Variants in UBXN11 observed in about 807,000 individuals in gnomAD.
UBXN11 encodes the protein UBX domain-containing protein 11.
A neutral mutation model predicts 62.8 loss-of-function variants in UBXN11; 47 were observed. The ratio of observed to expected loss-of-function variants is 0.75; its 90% confidence interval spans 0.59 to 0.95. The LOEUF (loss-of-function observed/expected upper bound fraction) is 0.95, where lower values mean the gene tolerates loss of function less well. UBXN11 is among the 40% of genes least tolerant of loss of function. The pLI is 0.00. For missense variants in UBXN11, 638 were observed against 661.7 expected (o/e 0.96, Z 0.39); for synonymous variants, 294 against 267.0 (o/e 1.10, Z -0.99).
At chr1:26,303,115 G>A (rs1032504380) in intron 1 of UBXN11, 197 bp from the exon 2 acceptor site, 8 of 477,060 alleles carry the variant, frequency 1.7e-5, no homozygotes, top group East Asian at 3.1e-5. Flanking sequence ...CTGGGTATAC[G>A]GCTTTCTGCT....
chr1:26,295,235 G>C (rs1446457403), intron 7 of UBXN11, among the ~76,000 whole-genome samples: 1 of 151,788 alleles, frequency 6.6e-6, no homozygotes, highest in African/African-American at 2.4e-5. Flanking sequence ...CCTCCAGGAT[G>C]ACCCACAAGG....
rs147906676 is a variant in UBXN11 at position 26,285,093 on chromosome 1, A to C, written c.852+371T>G. On this transcript the variant is annotated intron_variant, in intron 10 of 14. Coordinates refer to ENST00000374222, the MANE Select transcript of UBXN11 (RefSeq NM_001389556.1). Reference sequence around the variant, plus strand: ...CCAACATCTGTCCCCTCTGCTTTGCATTTGTGGCTCACAGCACTGCCTCCC... The same window carrying C: ...CCAACATCTGTCCCCTCTGCTTTGCCTTTGTGGCTCACAGCACTGCCTCCC... The C allele has an allele frequency of 2.3e-4, 234 of 1,037,204 alleles. No homozygotes were observed. In the African/African-American group the frequency reaches 3.4e-3, roughly 15 times the overall value. The allele number at this position is 1,037,204 out of a possible 1,614,324, so 64.3% of individuals were successfully genotyped here.
chr1:26,300,821 A>C (rs1570124597), intron 4 of UBXN11, 105 bp downstream of exon 4: 1 of 1,557,636 alleles, frequency 6.4e-7, no homozygotes, highest in East Asian at 2.3e-5. Flanking sequence ...CAGCTGCCTC[A>C]GACCAAACAG....
intron 8 of UBXN11, among the ~76,000 whole-genome samples, chr1:26,291,280 G>A (rs1400261423): frequency 6.6e-6 from 1 of 152,202 alleles, no homozygotes; most frequent in African/African-American, 2.4e-5. Context: ...GGGGAGAGAG[G>A]AACGGGGACG....
At position 26,282,916 on chromosome 1, in the gene UBXN11, G is replaced by T; in HGVS notation, c.1099C>A (p.Arg367=). The change falls in exon 13 of 15, where the codon CGG becomes AGG. Residue 367 remains arginine (R), a synonymous_variant. Transcript: ENST00000374222. The part of the protein sequence containing the change: ...TLQNCCPLPA[R]IQEIVVETPT... ...GTCTCCACCACAATCTCCTGGATCCGGGCAGGCAATGGGCAGCAGTTCTGG... is the reference window on the plus strand; with the variant it reads ...GTCTCCACCACAATCTCCTGGATCCTGGCAGGCAATGGGCAGCAGTTCTGG... 1.2e-6 allele frequency: 2 copies of T among 1,614,150 alleles called. No individual in the cohort carries two copies. The highest frequency in any genetic ancestry group is 1.7e-6 in the Non-Finnish European group (2 of 1,180,036).
chr1:26,285,517 C>A lies in UBXN11; in HGVS notation c.799G>T (p.Gly267Cys). The A allele has an allele frequency of 6.3e-7, 1 of 1,597,438 alleles. No homozygotes were observed. Among genetic ancestry groups the A allele is most frequent in the Non-Finnish European group, 8.6e-7 (1 of 1,168,006 alleles). The change falls in exon 10 of 15, where the codon GGC becomes TGC. Residue 267 changes from glycine to cysteine, a missense_variant. Physicochemically the swap from Gly to Cys is radical, Grantham distance 159 (BLOSUM62 -3). Coordinates refer to ENST00000374222, the MANE Select transcript of UBXN11 (RefSeq NM_001389556.1). ...TQRCLRDILD[G>C]FFPSELQRLY... ...CGCTGGAGCTCTGAGGGAAAGAAGCCATCCAATATGTCTCGGAGGCAGCGC... is the reference window on the plus strand; with the variant it reads ...CGCTGGAGCTCTGAGGGAAAGAAGCAATCCAATATGTCTCGGAGGCAGCGC...
chr1:26,294,764 C>T (rs2073354383), intron 7 of UBXN11, among the ~76,000 whole-genome samples: 1 of 152,340 alleles, frequency 6.6e-6, no homozygotes, highest in Middle Eastern at 3.4e-3. Context: ...CCACAGGAAA[C>T]TTCTGGACTG....
intron 1 of UBXN11, among the ~76,000 whole-genome samples, chr1:26,316,271 G>GC (rs1481400796): frequency 6.6e-6 from 1 of 151,036 alleles, no homozygotes; most frequent in African/African-American, 2.4e-5. Flanking sequence ...CCCAGCCTCT[G>GC]TTTTTTTCTT....
At position 26,297,429 on chromosome 1, in the gene UBXN11, G is replaced by A. The variant is rs1461214523; in HGVS notation, c.353C>T (p.Pro118Leu). 6.5e-7 allele frequency: 1 copy of A among 1,548,662 alleles called. No individual in the cohort carries two copies. Among genetic ancestry groups the A allele is most frequent in the Non-Finnish European group, 8.7e-7 (1 of 1,146,056 alleles). The stretch of plus-strand genomic sequence containing the variant: ...TCAGCCCTCCAAGAGCCCCCTACCT[G>A]GGTGTGGCCGGAGGGTCTGCACCAG... ...EDLVQTLRPH[P>L]AEATLQRQEE... is the part of the protein sequence containing the mutation. Residue 118 changes from proline (P) to leucine (L), a missense_variant and splice_region_variant, in exon 6 of 15, where the codon CCA becomes CTA. Physicochemically the swap from Pro to Leu is moderately conservative, Grantham distance 98 (BLOSUM62 -3). Coordinates refer to ENST00000374222, the MANE Select transcript of UBXN11 (RefSeq NM_001389556.1).
At chr1:26,284,285 T>A in intron 11 of UBXN11, 40 bp from the exon 12 acceptor site, 7 of 1,609,482 alleles carry the variant, frequency 4.3e-6, no homozygotes, top group Non-Finnish European at 5.9e-6. Flanking sequence ...GGAAGGACTA[T>A]GAGTGGTGGT....
At chr1:26,308,258 ACT>A (rs1260950299), upstream of UBXN11, among the ~76,000 whole-genome samples, 6 of 132,606 alleles carry the variant, frequency 4.5e-5, no homozygotes, top group African/African-American at 2.9e-5. Context: ...CAAGAGTGAA[ACT>A]CTGTCAAAAA....
At chr1:26,310,894 G>A (rs1203104963), upstream of UBXN11, among the ~76,000 whole-genome samples, 1 of 152,004 alleles carries the variant, frequency 6.6e-6, no homozygotes, top group Non-Finnish European at 1.5e-5. Flanking sequence ...TGAGTGTTGT[G>A]AGGGCCTTGG....
At chr1:26,282,822 A>T (rs772414799) in intron 13 of UBXN11, 33 bp from the exon 14 acceptor site, 3 of 1,613,850 alleles carry the variant, frequency 1.9e-6, no homozygotes, top group Non-Finnish European at 2.5e-6. Flanking sequence ...GCACGCGGTG[A>T]CCCAACGCCC....
chr1:26,295,767 T>C (rs145864286), intron 7 of UBXN11, among the ~76,000 whole-genome samples: 18 of 152,354 alleles, frequency 1.2e-4, no homozygotes, highest in Non-Finnish European at 2.6e-4. Flanking sequence ...GTGTACTCGT[T>C]TGTTCCCCTC....
At chr1:26,301,747 A>T in intron 2 of UBXN11, 25 bp from the exon 3 acceptor site, 1 of 1,613,710 alleles carries the variant, frequency 6.2e-7, no homozygotes, top group Non-Finnish European at 8.5e-7. Flanking sequence ...AGGAAGAAGG[A>T]AGAAATATAA....
chr1:26,304,946 C>T (rs1415629447), intron 1 of UBXN11, among the ~76,000 whole-genome samples: 1 of 151,808 alleles, frequency 6.6e-6, no homozygotes, highest in Non-Finnish European at 1.5e-5. Context: ...CTACCTGCAC[C>T]CTTCCCTTGG....
chr1:26,295,737 C>G (rs2073375854), intron 7 of UBXN11, among the ~76,000 whole-genome samples: 1 of 152,238 alleles, frequency 6.6e-6, no homozygotes, highest in Admixed American at 6.5e-5. Context: ...AGTCACAGCA[C>G]TCTCTGTACT....
At chr1:26,284,716 A>C (rs1570080945) in intron 10 of UBXN11, 3 of 1,295,466 alleles carry the variant, frequency 2.3e-6, no homozygotes, top group South Asian at 4.3e-5. Context: ...CAGTACTGAC[A>C]CCCTCCTTGG....
rs374446161 is a variant in UBXN11 at position 26,313,901 on chromosome 1, C to T, written c.-149+4146G>A. Among the ~76,000 whole-genome samples, 586 of 151,954 alleles carry T rather than the reference C, an allele frequency of 3.9e-3. 3 individuals carry two copies. Among genetic ancestry groups the T allele is most frequent in the African/African-American group, 0.012 (514 of 41,446 alleles). On this transcript the variant is annotated intron_variant, in intron 1 of 14. Transcript: ENST00000374217. ...GTTCATGCCATTCTCCTACCTCAGC[C>T]TCCCGAGTAGCTGGGACTACAGGTG...
Sources: allele counts gnomAD v4.1 joint callset (sites outside exome capture counted in the v4.1 genomes callset), GRCh38; gene constraint gnomAD v4.1.1; transcripts MANE v1.5; gene names NCBI Gene and HGNC (gene_info 2026-07-23, HGNC 2026-07-21).